Variants in RABGAP1L observed in about 807,000 individuals in gnomAD.
RABGAP1L encodes RAB GTPase activating protein 1 like.
Under a neutral mutation model 137.7 loss-of-function variants are expected in RABGAP1L, and 63 were observed. The ratio of observed to expected loss-of-function variants is 0.46; its 90% confidence interval spans 0.37 to 0.56. The LOEUF (loss-of-function observed/expected upper bound fraction) is 0.56, where lower values mean the gene tolerates loss of function less well. Ranked by LOEUF, RABGAP1L falls within the 20% of genes least tolerant of loss-of-function variation. The pLI is 0.00. For missense variants in RABGAP1L, 1,095 were observed against 1,244.0 expected (o/e 0.88, Z 1.80); for synonymous variants, 431 against 433.7 (o/e 0.99, Z 0.08).
intron 19 of RABGAP1L, among the ~76,000 whole-genome samples, chr1:174,865,869 C>T (rs1275274697): frequency 2.6e-5 from 4 of 152,074 alleles, no homozygotes; most frequent in Non-Finnish European, 4.4e-5. Flanking sequence ...TTATAAACTG[C>T]AATCTGTAAG....
chr1:174,195,922 A>G lies in RABGAP1L; in HGVS notation c.-33-23203A>G, dbSNP rs558034013. ...GTGATCTCAGCTCACTGCAACTTCC[A>G]CCTCCTGGGTTCAAGTGATTCTCCT... is the stretch of plus-strand genomic sequence containing the variant. On this transcript the variant is annotated intron_variant, in intron 1 of 25. Coordinates refer to ENST00000681986, the MANE Select transcript of RABGAP1L (RefSeq NM_001366446.1). Among the ~76,000 whole-genome samples the G allele has an allele frequency of 4.2e-3, 562 of 132,698 alleles. 4 individuals carry two copies. The highest frequency in any genetic ancestry group is 0.014 in the African/African-American group (485 of 35,202). 87.1% of individuals were successfully genotyped at this position (132,698 alleles called of 152,430 possible).
At chr1:174,797,493 G>C (rs1688333289) in intron 18 of RABGAP1L, among the ~76,000 whole-genome samples, 1 of 148,370 alleles carries the variant, frequency 6.7e-6, no homozygotes, top group African/African-American at 2.5e-5. Flanking sequence ...GGGTGTGTGT[G>C]TGTGGTGTGT....
intron 1 of RABGAP1L, among the ~76,000 whole-genome samples, chr1:174,204,858 G>A (rs919185583): frequency 6.6e-6 from 1 of 152,098 alleles, no homozygotes; most frequent in Non-Finnish European, 1.5e-5. Context: ...CTCCTCCATG[G>A]TAAGATGTGC....
At chr1:174,906,119 G>T (rs114695111) in intron 19 of RABGAP1L, among the ~76,000 whole-genome samples, 3,150 of 152,152 alleles carry the variant, frequency 0.021, 48 homozygotes, top group Middle Eastern at 0.078. Flanking sequence ...CCAGGTTTGA[G>T]CCATTCTTCC....
At chr1:174,518,447 T>C (rs752004793) in intron 13 of RABGAP1L, among the ~76,000 whole-genome samples, 2 of 152,226 alleles carry the variant, frequency 1.3e-5, no homozygotes, top group Non-Finnish European at 2.9e-5. Context: ...ACATTGTAAA[T>C]GCTATTTAAA....
intron 12 of RABGAP1L, among the ~76,000 whole-genome samples, chr1:174,390,476 C>G (rs1315147145): frequency 3.9e-5 from 6 of 152,020 alleles, no homozygotes; most frequent in African/African-American, 1.4e-4. Context: ...ATAGTTAAAT[C>G]ATTATGTTAT....
At chr1:174,890,643 T>C (rs1485693992) in intron 19 of RABGAP1L, among the ~76,000 whole-genome samples, 2 of 152,200 alleles carry the variant, frequency 1.3e-5, no homozygotes, top group Non-Finnish European at 2.9e-5. Flanking sequence ...CCAGCAGTTT[T>C]AGTAGTTTTT....
intron 18 of RABGAP1L, among the ~76,000 whole-genome samples, chr1:174,797,620 GGAGTGT>G (rs1306543948): frequency 7.8e-6 from 1 of 128,892 alleles, no homozygotes; most frequent in African/African-American, 3.0e-5. Flanking sequence ...GTGTGGAGTG[GGAGTGT>G]GGGTGTGTGG....
chr1:174,281,009 G>A (rs532979453), intron 10 of RABGAP1L, among the ~76,000 whole-genome samples: 1 of 152,184 alleles, frequency 6.6e-6, no homozygotes, highest in Admixed American at 6.5e-5. Flanking sequence ...TAAAGGTGGC[G>A]TGTCTGGAGT....
At chr1:174,183,233 A>C (rs1458615231) in intron 1 of RABGAP1L, among the ~76,000 whole-genome samples, 2 of 152,238 alleles carry the variant, frequency 1.3e-5, no homozygotes, top group African/African-American at 4.8e-5. Flanking sequence ...AATTTTATTA[A>C]AATGGATGCC....
chr1:174,793,215 C>T (rs1409635166), intron 18 of RABGAP1L, among the ~76,000 whole-genome samples: 1 of 152,058 alleles, frequency 6.6e-6, no homozygotes, highest in Non-Finnish European at 1.5e-5. Context: ...GACATTCTTA[C>T]ATTAATAAAG....
At chr1:174,953,436 CT>C (rs1390164578) in intron 19 of RABGAP1L, among the ~76,000 whole-genome samples, 2 of 152,200 alleles carry the variant, frequency 1.3e-5, no homozygotes, top group African/African-American at 4.8e-5. Flanking sequence ...CTGTTTAACA[CT>C]CCCTCGCCAT....
At chr1:174,968,512 T>TC (rs1669844603) in intron 20 of RABGAP1L, among the ~76,000 whole-genome samples, 1 of 151,160 alleles carries the variant, frequency 6.6e-6, no homozygotes, top group South Asian at 2.1e-4. Context: ...TTTTTTTTTT[T>TC]CTTTCTTTTT....
In RABGAP1L at chr1:174,982,885, G is replaced by A; in HGVS notation, c.2785G>A (p.Glu929Lys). 1 of 1,550,496 alleles carries A rather than the reference G, an allele frequency of 6.4e-7. No individual in the cohort carries two copies. Among genetic ancestry groups the A allele is most frequent in the Non-Finnish European group, 8.7e-7 (1 of 1,146,926 alleles). Residue 929 changes from glutamate (E) to lysine (K), a missense_variant, in exon 24 of 26, where the codon GAG becomes AAG. This residue lies in a region of RABGAP1L where 312 missense variants were observed against 435.6 expected (regional missense o/e 0.72). Coordinates refer to ENST00000681986, the MANE Select transcript of RABGAP1L (RefSeq NM_001366446.1). ...GGAGAAACAGCAAGCAGCCAGCAAG[G>A]AGGAGCTGGAAGTGGTAAAGGTAAG... Reference protein sequence around the residue: ...RLEKQQAASKEELEVVKGKMM... With the variant: ...RLEKQQAASKKELEVVKGKMM...
At chr1:174,637,310 GTA>G in intron 13 of RABGAP1L, 63 bp from the exon 14 acceptor site, 1 of 1,105,810 alleles carries the variant, frequency 9.0e-7, no homozygotes, top group East Asian at 2.4e-5. Context: ...TTTACCATGT[GTA>G]TATATTATAT....
At chr1:174,363,895 C>T (rs757934692) in intron 11 of RABGAP1L, among the ~76,000 whole-genome samples, 7 of 111,602 alleles carry the variant, frequency 6.3e-5, no homozygotes, top group Non-Finnish European at 1.3e-4. Context: ...AGGGATAAAT[C>T]CCATTTGGTC....
intron 18 of RABGAP1L, among the ~76,000 whole-genome samples, chr1:174,793,550 C>T (rs1688015102): frequency 1.3e-5 from 2 of 152,180 alleles, no homozygotes; most frequent in African/African-American, 2.4e-5. Flanking sequence ...TAATGAGACT[C>T]ATTTCCCTGT....
intron 13 of RABGAP1L, among the ~76,000 whole-genome samples, chr1:174,549,681 A>G (rs1666282040): frequency 1.3e-5 from 2 of 152,236 alleles, no homozygotes; most frequent in Admixed American, 6.5e-5. Context: ...TAAACCAAGA[A>G]TAATTTCAGA....
chr1:174,196,513 A>G (rs962077020), intron 1 of RABGAP1L, among the ~76,000 whole-genome samples: 1 of 150,716 alleles, frequency 6.6e-6, no homozygotes, highest in East Asian at 1.9e-4. Context: ...CGTGAGCAGC[A>G]TTTATATTTC....
Sources: allele counts gnomAD v4.1 joint callset (sites outside exome capture counted in the v4.1 genomes callset), GRCh38; gene constraint gnomAD v4.1.1; regional missense constraint gnomAD v4.1.1; transcripts MANE v1.5; gene names NCBI Gene and HGNC (gene_info 2026-07-23, HGNC 2026-07-21).